Variants in EFNA2 observed in about 807,000 individuals in gnomAD.
EFNA2 encodes ephrin-A2.
A neutral mutation model predicts 19.7 loss-of-function variants in EFNA2; 18 were observed. That is an observed-to-expected ratio of 0.91 (90% CI 0.63 to 1.35). The LOEUF is 1.35. Ranked by LOEUF, EFNA2 falls within the 40% of genes most tolerant of loss-of-function variation. EFNA2 has a pLI of 0.00. For missense variants in EFNA2, 303 were observed against 296.0 expected (o/e 1.02, Z -0.17); for synonymous variants, 187 against 137.8 (o/e 1.36, Z -2.50).
At chr19:1,293,615 CG>C (rs2081501330) in intron 1 of EFNA2, among the ~76,000 whole-genome samples, 1 of 151,108 alleles carries the variant, frequency 6.6e-6, no homozygotes, top group African/African-American at 2.5e-5. Flanking sequence ...GCCTGGTGCC[CG>C]GGGGAGATTT....
rs1046138638 is a variant in EFNA2 at position 1,297,481 on chromosome 19, C to T, written c.455-1070C>T. On this transcript the variant is annotated intron_variant, in intron 2 of 3. Coordinates refer to ENST00000215368, the MANE Select transcript of EFNA2 (RefSeq NM_001405.4). The surrounding 1 kb of genome is among the most constrained non-coding windows in gnomAD (Gnocchi z 5.0). Reference sequence around the variant, plus strand: ...TTTATTACATGCTTTTTATCTTCATCTTCCAGTGTGAGGGGTTTCTAGGGG... The same window carrying T: ...TTTATTACATGCTTTTTATCTTCATTTTCCAGTGTGAGGGGTTTCTAGGGG... Among the ~76,000 whole-genome samples, 6 of 152,124 alleles carry T rather than the reference C, an allele frequency of 3.9e-5. No homozygotes were observed. The South Asian group carries it at 8.3e-4, about 21-fold the overall frequency.
At chr19:1,292,213 C>T (rs1201819434) in intron 1 of EFNA2, among the ~76,000 whole-genome samples, 2 of 152,226 alleles carry the variant, frequency 1.3e-5, no homozygotes, top group Non-Finnish European at 2.9e-5. Context: ...CGGGCTTGCC[C>T]GCCAACTTGG....
chr19:1,300,146 C>T lies in EFNA2; in HGVS notation c.*201C>T, dbSNP rs1164022007. ...CTCAGGGAGGGGAAACGGCCGAGAGCCCCCCCCCGGAGGCCCGAGGGGCCG... is the reference window on the plus strand; with the variant it reads ...CTCAGGGAGGGGAAACGGCCGAGAGTCCCCCCCCGGAGGCCCGAGGGGCCG... On this transcript the variant is annotated 3_prime_UTR_variant, in exon 4 of 4. Coordinates refer to ENST00000215368, the MANE Select transcript of EFNA2 (RefSeq NM_001405.4). 18 of 587,868 alleles carry T rather than the reference C, an allele frequency of 3.1e-5. No individual in the cohort carries two copies. In the East Asian group the frequency reaches 5.2e-4, roughly 17 times the overall value. 36.4% of individuals were successfully genotyped at this position (587,868 alleles called of 1,614,324 possible).
At position 1,296,540 on chromosome 19, in the gene EFNA2, C is replaced by T. The variant is rs1030606504; in HGVS notation, c.454+682C>T. Among the ~76,000 whole-genome samples, 16 of 152,176 alleles carry T rather than the reference C, an allele frequency of 1.1e-4. No homozygotes were observed. Among genetic ancestry groups the T allele is most frequent in the African/African-American group, 3.9e-4 (16 of 41,432 alleles). ...ATTAGCCAGGTGTGGTGGCATGGGC[C>T]TGTGGTCCCAGCTGTGCAGGGGGCT... On this transcript the variant is annotated intron_variant, in intron 2 of 3. Transcript: ENST00000215368. This position sits in a 1 kb window ranked among gnomAD's most constrained non-coding sequence, Gnocchi z 4.4.
chr19:1,298,493 A>T, intron 2 of EFNA2, 58 bp from the exon 3 acceptor site: 1 of 1,577,118 alleles, frequency 6.3e-7, no homozygotes, highest in South Asian at 1.1e-5. Context: ...GTACAGCCCC[A>T]GGAGGTCTCA....
Position 1,301,321 on chromosome 19 carries a change from G to A in EFNA2, c.*1376G>A, listed in dbSNP as rs1183074160. On this transcript the variant is annotated 3_prime_UTR_variant, in exon 4 of 4. Transcript: ENST00000215368. ...CAGAGGGCTTTTGTAGGGGGTCGGC[G>A]GGGCGGGCCGCGTTGCCAGGCCTGG... 2.6e-5 allele frequency among the ~76,000 whole-genome samples: 4 copies of A among 151,176 alleles called. No individual in the cohort carries two copies. The highest frequency in any genetic ancestry group is 4.4e-5 in the Non-Finnish European group (3 of 67,786).
chr19:1,294,068 G>A lies in EFNA2; in HGVS notation c.141-1477G>A, dbSNP rs564829648. On this transcript the variant is annotated intron_variant, in intron 1 of 3. Transcript: ENST00000215368. This position sits in a 1 kb window ranked among gnomAD's most constrained non-coding sequence, Gnocchi z 5.8. ...TAGAGGCAGTGCCAGGGCCGGGATC[G>A]TAGCAGCCTGCACCCATGTGCTGCC... 3.5e-4 allele frequency among the ~76,000 whole-genome samples: 54 copies of A among 152,376 alleles called. No homozygotes were observed. The highest frequency in any genetic ancestry group is 1.3e-3 in the African/African-American group (53 of 41,596).
At chr19:1,290,200 GTCCCC>G (rs1260538986) in intron 1 of EFNA2, among the ~76,000 whole-genome samples, 2 of 152,266 alleles carry the variant, frequency 1.3e-5, no homozygotes, top group East Asian at 3.9e-4. Context: ...AGGGGTTAGT[GTCCCC>G]TCCCCAGAAG....
At chr19:1,292,821 C>G (rs1312264011) in intron 1 of EFNA2, among the ~76,000 whole-genome samples, 1 of 152,162 alleles carries the variant, frequency 6.6e-6, no homozygotes, top group Non-Finnish European at 1.5e-5. Context: ...CCGGCAGACC[C>G]TCACCGCAGC....
At position 1,292,348 on chromosome 19, in the gene EFNA2, C is replaced by T. The variant is rs544060257; in HGVS notation, c.141-3197C>T. Among the ~76,000 whole-genome samples the T allele has an allele frequency of 3.3e-5, 5 of 152,394 alleles. No individual in the cohort carries two copies. The South Asian group carries it at 1.0e-3, about 32-fold the overall frequency. On this transcript the variant is annotated intron_variant, in intron 1 of 3. Coordinates refer to ENST00000215368, the MANE Select transcript of EFNA2 (RefSeq NM_001405.4). ...CCTGGGACCTGCCCTCCAACACACA[C>T]ACCTGTGGGCTGCTCCCCACAACTC...
chr19:1,299,512 C>T (rs960767044), intron 3 of EFNA2, among the ~76,000 whole-genome samples: 2 of 150,934 alleles, frequency 1.3e-5, no homozygotes, highest in South Asian at 4.2e-4. Context: ...GCCCAGATTG[C>T]GCCACTGCAC....
In EFNA2 at chr19:1,301,331, G is replaced by A. The variant is rs1026077295; in HGVS notation, c.*1386G>A. Among the ~76,000 whole-genome samples, 4 of 151,434 alleles carry A rather than the reference G, an allele frequency of 2.6e-5. No individual in the cohort carries two copies. Among genetic ancestry groups the A allele is most frequent in the East Asian group, 1.9e-4 (1 of 5,162 alleles). The stretch of plus-strand genomic sequence containing the variant: ...TTGTAGGGGGTCGGCGGGGCGGGCC[G>A]CGTTGCCAGGCCTGGAGCTGGCGAC... On this transcript the variant is annotated 3_prime_UTR_variant, in exon 4 of 4. Coordinates refer to ENST00000215368, the MANE Select transcript of EFNA2 (RefSeq NM_001405.4).
rs1000731087 is a variant in EFNA2 at position 1,296,474 on chromosome 19, A to G, written c.454+616A>G. ...GGAGGATCACTTGAGGCCAGCGTGG[A>G]CAACGTAGGGAGACCTTCTCTCTAC... On this transcript the variant is annotated intron_variant, in intron 2 of 3. Transcript: ENST00000215368. This position sits in a 1 kb window ranked among gnomAD's most constrained non-coding sequence, Gnocchi z 4.4. Among the ~76,000 whole-genome samples the G allele has an allele frequency of 7.2e-5, 11 of 152,274 alleles. No individual in the cohort carries two copies. The highest frequency in any genetic ancestry group is 2.4e-4 in the African/African-American group (10 of 41,544).
chr19:1,289,960 G>A (rs77612501), intron 1 of EFNA2, among the ~76,000 whole-genome samples: 3,910 of 152,232 alleles, frequency 0.026, 147 homozygotes, highest in African/African-American at 0.087. Context: ...TAGGAGAGCC[G>A]GGCGGTGGGC....
chr19:1,288,145 G>C (rs1600054464), intron 1 of EFNA2, among the ~76,000 whole-genome samples: 1 of 152,364 alleles, frequency 6.6e-6, no homozygotes, highest in South Asian at 2.1e-4. Flanking sequence ...CGGTATCCAG[G>C]GTTGCTGGGG....
rs908176546 is a variant in EFNA2 at position 1,297,897 on chromosome 19, C to G, written c.455-654C>G. Among the ~76,000 whole-genome samples, 5 of 151,978 alleles carry G rather than the reference C, an allele frequency of 3.3e-5. No individual in the cohort carries two copies. The highest frequency in any genetic ancestry group is 1.2e-4 in the African/African-American group (5 of 41,346). Reference sequence around the variant, plus strand: ...GACCAGCCCGGCCAACATGGTGAAACCCCGTTTCTACTAAAAATACAAAAA... The same window carrying G: ...GACCAGCCCGGCCAACATGGTGAAAGCCCGTTTCTACTAAAAATACAAAAA... On this transcript the variant is annotated intron_variant, in intron 2 of 3. Transcript: ENST00000215368. This position sits in a 1 kb window ranked among gnomAD's most constrained non-coding sequence, Gnocchi z 5.0.
intron 1 of EFNA2, among the ~76,000 whole-genome samples, chr19:1,290,620 G>A (rs920828067): frequency 2.0e-5 from 3 of 152,128 alleles, no homozygotes; most frequent in African/African-American, 7.2e-5. Context: ...CCCGGTGGCC[G>A]TGTGTTCCCC....
intron 1 of EFNA2, among the ~76,000 whole-genome samples, chr19:1,290,447 T>G (rs1048083760): frequency 1.3e-5 from 2 of 152,140 alleles, no homozygotes; most frequent in African/African-American, 2.4e-5. Flanking sequence ...GGATTTGACC[T>G]TCCCCCGTCT....
At chr19:1,299,687 C>T (rs2081531331) in intron 3 of EFNA2, 137 bp from the exon 4 acceptor site, 25 of 1,233,080 alleles carry the variant, frequency 2.0e-5, no homozygotes, top group Non-Finnish European at 2.7e-5. Context: ...TCGGGGATGG[C>T]ACCAAGAGGG....
Sources: gnomAD v4.1 joint callset for allele counts (sites outside exome capture counted in the v4.1 genomes callset) on GRCh38, gnomAD v4.1.1 for gene constraint, Gnocchi (gnomAD v3.1) non-coding constraint, MANE v1.5 for transcripts, NCBI Gene and HGNC (gene_info 2026-07-23, HGNC 2026-07-21) for gene names.